Variants in RAI1 observed in about 807,000 individuals in gnomAD.
RAI1 encodes the protein retinoic acid-induced protein 1.
Under a neutral mutation model 123.8 loss-of-function variants are expected in RAI1, and 9 were observed. The observed-to-expected ratio is 0.07, with a 90% CI of 0.04 to 0.13. The LOEUF is 0.13. Among genes scored for constraint, RAI1 ranks in the 10% least tolerant of loss-of-function variants. RAI1 has a pLI of 1.00. For missense variants in RAI1, 2,256 were observed against 2,545.8 expected (o/e 0.89, Z 2.45); for synonymous variants, 1,231 against 1,127.3 (o/e 1.09, Z -1.84).
intron 2 of RAI1, among the ~76,000 whole-genome samples, chr17:17,725,527 C>T (rs182386007): frequency 2.6e-5 from 4 of 152,150 alleles, no homozygotes; most frequent in African/African-American, 9.6e-5. Context: ...GAGGCGGGGA[C>T]TCAATCCAAG....
intron 2 of RAI1, among the ~76,000 whole-genome samples, chr17:17,762,084 G>A (rs897836388): frequency 1.3e-5 from 2 of 152,336 alleles, no homozygotes; most frequent in South Asian, 4.1e-4. Flanking sequence ...GGGCATGCGT[G>A]TGTCTGCTGT....
intron 1 of RAI1, among the ~76,000 whole-genome samples, chr17:17,686,620 C>CACGCGCG (rs1914649491): frequency 2.1e-5 from 3 of 142,386 alleles, no homozygotes; most frequent in African/African-American, 7.7e-5. Context: ...CACGCGCGCG[C>CACGCGCG]CGGGGAGGGG....
intron 2 of RAI1, among the ~76,000 whole-genome samples, chr17:17,780,468 T>C (rs988986911): frequency 6.6e-6 from 1 of 152,038 alleles, no homozygotes; most frequent in Non-Finnish European, 1.5e-5. Context: ...CTGTATCCTG[T>C]ATTCACCAAA....
At chr17:17,710,305 A>G (rs1273613322) in intron 1 of RAI1, among the ~76,000 whole-genome samples, 2 of 151,980 alleles carry the variant, frequency 1.3e-5, no homozygotes, top group Non-Finnish European at 2.9e-5. Flanking sequence ...CCTACCCAGG[A>G]CCCCTTGTGG....
intron 1 of RAI1, among the ~76,000 whole-genome samples, chr17:17,718,346 C>G (rs892686193): frequency 6.6e-6 from 1 of 152,240 alleles, no homozygotes; most frequent in Admixed American, 6.5e-5. Context: ...TCCCGATGCT[C>G]TCCACCCCCA....
intron 2 of RAI1, among the ~76,000 whole-genome samples, chr17:17,761,666 G>C (rs545339066): frequency 6.6e-6 from 1 of 152,182 alleles, no homozygotes; most frequent in Non-Finnish European, 1.5e-5. Context: ...GGCACAAAAG[G>C]TTGGGAGACT....
At chr17:17,686,018 G>C (rs1005284509) in intron 1 of RAI1, among the ~76,000 whole-genome samples, 2 of 152,140 alleles carry the variant, frequency 1.3e-5, no homozygotes, top group African/African-American at 4.8e-5. Context: ...GTCTATACTC[G>C]TGGCATAGCG....
chr17:17,790,333 G>A (rs184733880), intron 2 of RAI1, among the ~76,000 whole-genome samples: 8 of 152,280 alleles, frequency 5.3e-5, no homozygotes, highest in Admixed American at 3.3e-4. Context: ...GTGTTGGGGC[G>A]AGCATTTTTG....
rs1158475382 is a variant in RAI1, at chr17:17,754,191, C to CTTTTTTT, written c.-17+30056_-17+30062dup. Among the ~76,000 whole-genome samples the CTTTTTTT allele has an allele frequency of 1.1e-3, 86 of 75,718 alleles. 10 individuals are homozygous for CTTTTTTT. Among genetic ancestry groups the CTTTTTTT allele is most frequent in the African/African-American group, 3.3e-3 (57 of 17,358 alleles). The allele number at this position is 75,718 out of a possible 152,430, so 49.7% of individuals were successfully genotyped here. ...TTTTATGCCATTCGCCTAACCCAAT[C>CTTTTTTT]TTTTTTTTTTTTTTTTTTTTTTTTT... On this transcript the variant is annotated intron_variant, in intron 2 of 5. Transcript: ENST00000353383.
At position 17,769,097 on chromosome 17, in the gene RAI1, G is replaced by A. The variant is rs564959005; in HGVS notation, c.-16-23836G>A. Among the ~76,000 whole-genome samples, 12 of 152,334 alleles carry A rather than the reference G, an allele frequency of 7.9e-5. No individual in the cohort carries two copies. The East Asian group carries it at 2.1e-3, about 27-fold the overall frequency. On this transcript the variant is annotated intron_variant, in intron 2 of 5. Transcript: ENST00000353383. ...GGACTCGGTGTGTGGGCCTCTGGCT[G>A]ACAAAGGCCACTCTGCAGAAAGGAA...
At chr17:17,785,430 T>C (rs1314791173) in intron 2 of RAI1, among the ~76,000 whole-genome samples, 1 of 152,182 alleles carries the variant, frequency 6.6e-6, no homozygotes, top group Non-Finnish European at 1.5e-5. Context: ...GTTTGGAGCT[T>C]AGGGTCAAAC....
At chr17:17,778,747 C>T (rs757761305) in intron 2 of RAI1, 9 of 456,724 alleles carry the variant, frequency 2.0e-5, no homozygotes, top group South Asian at 1.1e-4. Context: ...CTGGAGAGCC[C>T]GCCAAGAGGG....
At chr17:17,686,118 C>G (rs1326586389) in intron 1 of RAI1, among the ~76,000 whole-genome samples, 1 of 152,272 alleles carries the variant, frequency 6.6e-6, no homozygotes, top group South Asian at 2.1e-4. Context: ...TCCTTGCTCT[C>G]TCCGGCCCAG....
At chr17:17,718,854 A>G (rs1485366611) in intron 1 of RAI1, among the ~76,000 whole-genome samples, 1 of 152,174 alleles carries the variant, frequency 6.6e-6, no homozygotes, top group East Asian at 1.9e-4. Flanking sequence ...ATTGGCATGA[A>G]GGGCATTAAT....
chr17:17,740,998 G>A (rs1248038769), intron 2 of RAI1, among the ~76,000 whole-genome samples: 3 of 151,928 alleles, frequency 2.0e-5, no homozygotes, highest in East Asian at 3.9e-4. Context: ...GAGAGGGCAG[G>A]GGCACACATA....
intron 1 of RAI1, among the ~76,000 whole-genome samples, chr17:17,693,013 G>T (rs1294001899): frequency 6.6e-6 from 1 of 152,232 alleles, no homozygotes; most frequent in Non-Finnish European, 1.5e-5. Flanking sequence ...TGGAATGCGG[G>T]TATTTATTTT....
intron 1 of RAI1, among the ~76,000 whole-genome samples, chr17:17,686,925 G>A (rs904284267): frequency 1.3e-5 from 2 of 152,150 alleles, no homozygotes; most frequent in African/African-American, 4.8e-5. Context: ...ACAGGAGCAA[G>A]CCTGTGGTCC....
At chr17:17,723,566 C>T (rs1807568599) in intron 1 of RAI1, among the ~76,000 whole-genome samples, 1 of 149,386 alleles carries the variant, frequency 6.7e-6, no homozygotes, top group Admixed American at 6.6e-5. Flanking sequence ...CTAAGCGCGT[C>T]GGAGCCTCGC....
At chr17:17,688,265 A>G (rs1452416703) in intron 1 of RAI1, among the ~76,000 whole-genome samples, 2 of 151,992 alleles carry the variant, frequency 1.3e-5, no homozygotes, top group South Asian at 2.1e-4. Context: ...CGGGTGGATC[A>G]CTTGAGGTCA....
Sources: gnomAD v4.1 joint callset for allele counts (sites outside exome capture counted in the v4.1 genomes callset) on GRCh38, gnomAD v4.1.1 for gene constraint, MANE v1.5 for transcripts, NCBI Gene and HGNC (gene_info 2026-07-23, HGNC 2026-07-21) for gene names.